Variants in PDIA4 observed in about 807,000 individuals in gnomAD.
The protein encoded by PDIA4 is protein disulfide isomerase family A member 4.
In PDIA4, 33 loss-of-function variants were observed where a neutral mutation model predicts 62.1. The ratio of observed to expected loss-of-function variants is 0.53; its 90% confidence interval spans 0.40 to 0.71. The LOEUF (loss-of-function observed/expected upper bound fraction) is 0.71, where lower values mean the gene tolerates loss of function less well. PDIA4 is among the 30% of genes least tolerant of loss of function. The pLI, the probability that PDIA4 is intolerant of heterozygous loss-of-function variation, is 0.00. For synonymous variants in PDIA4, 341 were observed against 324.1 expected (o/e 1.05, Z -0.56); for missense variants, 804 against 813.6 (o/e 0.99, Z 0.14).
Position 149,021,059 on chromosome 7 carries a change from C to T in PDIA4, c.177G>A (p.Lys59=). ...TTAGGACCAAGACTCCATTTTCTTC[C>T]TTAACTTCCAAGTCGTCTTCTTCCT... The part of the protein sequence containing the change: ...DDEEEDDLEV[K]EENGVLVLND... Residue 59 remains lysine (K), a synonymous_variant, in exon 2 of 10, where the codon AAG becomes AAA. Coordinates refer to ENST00000652332, the MANE Select transcript of PDIA4 (RefSeq NM_004911.5). The T allele has an allele frequency of 6.2e-7, 1 of 1,614,130 alleles. No individual in the cohort carries two copies. Among genetic ancestry groups the T allele is most frequent in the Non-Finnish European group, 8.5e-7 (1 of 1,179,998 alleles).
chr7:149,004,346 G>A, intron 9 of PDIA4, 137 bp from the exon 10 acceptor site: 1 of 781,624 alleles, frequency 1.3e-6, no homozygotes, highest in South Asian at 1.7e-5. Context: ...CACTACTGTA[G>A]AAAGTAGTAG....
Position 149,012,339 on chromosome 7 carries a change from A to C in PDIA4, c.636T>G (p.Leu212=). 1 of 1,613,392 alleles carries C rather than the reference A, an allele frequency of 6.2e-7. No homozygotes were observed. Among genetic ancestry groups the C allele is most frequent in the South Asian group, 1.1e-5 (1 of 91,050 alleles). The part of the protein sequence containing the change: ...YAPWCGHCKK[L]APEYEKAAKE... ...TGGCGGCCTTCTCATACTCGGGGGCAAGTTTCTTGCAGTGTCCACACCTGC... is the reference window on the plus strand; with the variant it reads ...TGGCGGCCTTCTCATACTCGGGGGCCAGTTTCTTGCAGTGTCCACACCTGC... Residue 212 remains leucine (L), a synonymous_variant, in exon 5 of 10, where the codon CTT becomes CTG. Coordinates refer to ENST00000652332, the MANE Select transcript of PDIA4 (RefSeq NM_004911.5).
chr7:149,016,612 G>A (rs1481626321), intron 3 of PDIA4, among the ~76,000 whole-genome samples: 3 of 151,558 alleles, frequency 2.0e-5, no homozygotes, highest in Non-Finnish European at 2.9e-5. Flanking sequence ...TCTGCCTCCC[G>A]GGTTCACGCC....
At chr7:149,028,187 G>A in intron 1 of PDIA4, 134 bp downstream of exon 1, 2 of 640,170 alleles carry the variant, frequency 3.1e-6, no homozygotes, top group Non-Finnish European at 5.3e-6. Flanking sequence ...AGTTTACCCC[G>A]GGCTCGGCGC....
In PDIA4 at chr7:149,012,145, G is replaced by C; in HGVS notation, c.820+10C>G. ...CCCCACTGTAGTGGGAGAGAAGGGAGTGGCCATACCATATTTTTCTCGTGG... is the reference window on the plus strand; with the variant it reads ...CCCCACTGTAGTGGGAGAGAAGGGACTGGCCATACCATATTTTTCTCGTGG... On this transcript the variant is annotated intron_variant, in intron 5 of 9. Transcript: ENST00000652332. The C allele has an allele frequency of 6.2e-7, 1 of 1,613,652 alleles. No homozygotes were observed. Among genetic ancestry groups the C allele is most frequent in the Admixed American group, 1.7e-5 (1 of 60,026 alleles).
Position 149,003,840 on chromosome 7 carries a change from A to G in PDIA4, c.1892T>C (p.Ile631Thr), listed in dbSNP as rs758531439. The change falls in exon 10 of 10, where the codon ATA becomes ACA. Residue 631 changes from isoleucine (I) to threonine (T), a missense_variant. Ile to Thr is a moderately conservative substitution (Grantham distance 89). Coordinates refer to ENST00000652332, the MANE Select transcript of PDIA4 (RefSeq NM_004911.5). ...DRDLEHLSKF[I>T]EEHATKLSRT... ...GCTCAGTTTTGTGGCATGTTCTTCT[A>G]TAAACTTGCTCAAATGCTCCAGATC... The G allele has an allele frequency of 6.9e-6, 11 of 1,598,266 alleles. No homozygotes were observed. The Admixed American group carries it at 1.6e-4, about 23-fold the overall frequency.
Position 149,003,990 on chromosome 7 carries a change from G to A in PDIA4, c.1742C>T (p.Ala581Val). 5 of 1,613,808 alleles carry A rather than the reference G, an allele frequency of 3.1e-6. No homozygotes were observed. The highest frequency in any genetic ancestry group is 4.2e-6 in the Non-Finnish European group (5 of 1,179,726). Residue 581 changes from alanine to valine, a missense_variant, in exon 10 of 10, where the codon GCC (alanine) becomes GTC (valine). Ala to Val is a moderately conservative substitution (Grantham distance 64, BLOSUM62 0). Transcript: ENST00000652332. ...KYKGQKGLVI[A>V]KMDATANDVP... is the part of the protein sequence containing the mutation. The stretch of plus-strand genomic sequence containing the variant: ...GTCGTTGGCAGTGGCGTCCATCTTG[G>A]CGATGACCAGGCCCTTTTGGCCCTT...
At chr7:149,017,156 C>A (rs867338478) in intron 3 of PDIA4, among the ~76,000 whole-genome samples, 32 of 151,940 alleles carry the variant, frequency 2.1e-4, no homozygotes, top group African/African-American at 7.7e-4. Flanking sequence ...GAAGCCTATT[C>A]AACGCTCTTT....
chr7:149,004,646 C>T (rs1351827046), intron 9 of PDIA4, among the ~76,000 whole-genome samples: 3 of 152,238 alleles, frequency 2.0e-5, no homozygotes, highest in East Asian at 3.9e-4. Context: ...TAAAGCTGTA[C>T]AGCAAGGTGG....
chr7:149,017,584 C>T (rs1824182127), intron 3 of PDIA4, among the ~76,000 whole-genome samples: 1 of 146,348 alleles, frequency 6.8e-6, no homozygotes, highest in African/African-American at 2.6e-5. Context: ...AACTCCGTCT[C>T]AAAAATTAAA....
intron 6 of PDIA4, among the ~76,000 whole-genome samples, chr7:149,009,079 T>C (rs1823857788): frequency 6.6e-6 from 1 of 152,192 alleles, no homozygotes. Flanking sequence ...TATAGGCATA[T>C]GCCATCATGC....
chr7:149,021,983 C>T (rs1824370682), intron 1 of PDIA4, among the ~76,000 whole-genome samples: 1 of 152,228 alleles, frequency 6.6e-6, no homozygotes, highest in African/African-American at 2.4e-5. Context: ...GATGTGCCGC[C>T]TCCTCCTCAC....
rs538768831 is a variant in PDIA4, at chr7:149,026,812, A to C, written c.88+1509T>G. Among the ~76,000 whole-genome samples, 85 of 151,936 alleles carry C rather than the reference A, an allele frequency of 5.6e-4. 2 individuals are homozygous for C. Among genetic ancestry groups the C allele is most frequent in the African/African-American group, 1.8e-3 (75 of 41,442 alleles). ...TAACCTTATCTAGGAAAAAAAAAAA[A>C]AAAAACGGAGCTAGAAGTCCCAGGA... On this transcript the variant is annotated intron_variant, in intron 1 of 9. Transcript: ENST00000652332.
At chr7:149,021,960 G>A (rs979116802) in intron 1 of PDIA4, among the ~76,000 whole-genome samples, 2 of 152,140 alleles carry the variant, frequency 1.3e-5, no homozygotes, top group Non-Finnish European at 2.9e-5. Flanking sequence ...TGTGTTCAAC[G>A]TTATTGCTCA....
chr7:149,013,428 G>C (rs574294964), intron 4 of PDIA4, among the ~76,000 whole-genome samples: 91 of 152,260 alleles, frequency 6.0e-4, no homozygotes, highest in African/African-American at 1.9e-3. Context: ...TGTAATATCA[G>C]TGCTTCCAGA....
chr7:149,004,245 G>A (rs1823661856), intron 9 of PDIA4, 36 bp from the exon 10 acceptor site: 5 of 1,578,080 alleles, frequency 3.2e-6, no homozygotes, highest in African/African-American at 1.3e-5. Flanking sequence ...GGGCGTCAGT[G>A]CTGCAAAGGC....
At chr7:149,026,981 G>A (rs1256340209) in intron 1 of PDIA4, among the ~76,000 whole-genome samples, 1 of 151,976 alleles carries the variant, frequency 6.6e-6, no homozygotes, top group Non-Finnish European at 1.5e-5. Flanking sequence ...CACTCTCCCA[G>A]GCCTCTCAAG....
intron 1 of PDIA4, among the ~76,000 whole-genome samples, chr7:149,025,085 A>ATATATATATATATAT (rs1279233879): frequency 4.5e-5 from 1 of 22,336 alleles, no homozygotes; most frequent in African/African-American, 6.1e-5. Context: ...AAAAAAAAAA[A>ATATATATATATATAT]ATATATATAT....
intron 6 of PDIA4, among the ~76,000 whole-genome samples, chr7:149,010,723 C>G (rs1823915573): frequency 6.6e-6 from 1 of 152,212 alleles, no homozygotes; most frequent in African/African-American, 2.4e-5. Flanking sequence ...TAACCCCTCT[C>G]TCATAAGCAG....
Sources: gnomAD v4.1 joint callset for allele counts (sites outside exome capture counted in the v4.1 genomes callset) on GRCh38, gnomAD v4.1.1 for gene constraint, MANE v1.5 for transcripts, NCBI Gene and HGNC (gene_info 2026-07-23, HGNC 2026-07-21) for gene names.